ESRRB: variants seen among roughly 807,000 people sequenced by gnomAD.
ESRRB encodes the protein estrogen related receptor beta.
ESRRB carries 16 observed loss-of-function variants against 46.0 expected under a neutral mutation model. The ratio of observed to expected loss-of-function variants is 0.35; its 90% CI spans 0.24 to 0.53. The LOEUF is 0.53. Ranked by LOEUF, ESRRB falls within the 20% of genes least tolerant of loss-of-function variation. ESRRB has a pLI of 0.93. For missense variants in ESRRB, 488 were observed against 607.4 expected, an observed-to-expected ratio of 0.80 and a Z score of 2.07; for synonymous variants, 246 against 259.6, an observed-to-expected ratio of 0.95 and a Z score of 0.50.
chr14:76,354,087 G>A (rs1226592810), intron 1 of ESRRB, among the ~76,000 whole-genome samples: 3 of 152,146 alleles, frequency 2.0e-5, no homozygotes, highest in Non-Finnish European at 2.9e-5. Flanking sequence ...GCTGAGCTTT[G>A]TGTGGCTGGT....
At chr14:76,328,968 T>C (rs958892114) in intron 1 of ESRRB, among the ~76,000 whole-genome samples, 3 of 152,154 alleles carry the variant, frequency 2.0e-5, no homozygotes, top group African/African-American at 7.2e-5. Context: ...AATACGGTTT[T>C]GTGGAGTCCA....
chr14:76,322,596 T>A (rs899729297), intron 1 of ESRRB, among the ~76,000 whole-genome samples: 2 of 152,196 alleles, frequency 1.3e-5, no homozygotes, highest in African/African-American at 4.8e-5. Context: ...TCATCTTTCT[T>A]GAGACCTGAA....
intron 1 of ESRRB, among the ~76,000 whole-genome samples, chr14:76,311,138 G>A (rs1883728350): frequency 6.6e-6 from 1 of 152,112 alleles, no homozygotes; most frequent in African/African-American, 2.4e-5. Flanking sequence ...AGGAAGGTCA[G>A]AGGGTCTCTG....
chr14:76,364,060 T>C (rs1595055285), intron 1 of ESRRB, among the ~76,000 whole-genome samples: 1 of 152,176 alleles, frequency 6.6e-6, no homozygotes, highest in Non-Finnish European at 1.5e-5. Flanking sequence ...GTGCAGCAAC[T>C]GCCAGCTTCC....
chr14:76,489,644 A>G (rs1367323249), intron 5 of ESRRB, among the ~76,000 whole-genome samples: 1 of 152,196 alleles, frequency 6.6e-6, no homozygotes, highest in Non-Finnish European at 1.5e-5. Flanking sequence ...GGGAACTGTG[A>G]TAATTCACTT....
At chr14:76,387,486 AAGC>A (rs1885287417) in intron 1 of ESRRB, among the ~76,000 whole-genome samples, 1 of 152,142 alleles carries the variant, frequency 6.6e-6, no homozygotes. Context: ...TGGCTTTAGA[AAGC>A]AGCTCTGGTT....
intron 3 of ESRRB, among the ~76,000 whole-genome samples, chr14:76,475,488 A>G (rs1889545608): frequency 6.6e-6 from 1 of 152,180 alleles, no homozygotes; most frequent in Non-Finnish European, 1.5e-5. Context: ...TATAGCATAT[A>G]TCAGAACTTT....
intron 1 of ESRRB, among the ~76,000 whole-genome samples, chr14:76,346,353 G>A (rs945292471): frequency 1.3e-5 from 2 of 152,248 alleles, no homozygotes; most frequent in South Asian, 2.1e-4. Flanking sequence ...CGGCTGAGAC[G>A]CCTACAGCCC....
chr14:76,325,990 GA>G (rs375247699), intron 1 of ESRRB, among the ~76,000 whole-genome samples: 1 of 152,256 alleles, frequency 6.6e-6, no homozygotes, highest in African/African-American at 2.4e-5. Context: ...CTATGTTTGA[GA>G]CACCTCCTCC....
At position 76,459,182 on chromosome 14, in the gene ESRRB, G is replaced by C. The variant is rs113061770; in HGVS notation, c.461-3363G>C. Among the ~76,000 whole-genome samples, 569 of 152,216 alleles carry C rather than the reference G, an allele frequency of 3.7e-3. 3 individuals are homozygous for C. Among genetic ancestry groups the C allele is most frequent in the African/African-American group, 0.013 (527 of 41,526 alleles). ...AGATGAGAAAAATCTGTTTACCTCC[G>C]GGGTTGCTGGGAACATGAAATCCTT... is the stretch of plus-strand genomic sequence containing the variant. On this transcript the variant is annotated intron_variant, in intron 2 of 6. Transcript: ENST00000644823.
At chr14:76,387,775 T>A (rs1885299213) in intron 1 of ESRRB, among the ~76,000 whole-genome samples, 1 of 152,180 alleles carries the variant, frequency 6.6e-6, no homozygotes, top group South Asian at 2.1e-4. Flanking sequence ...AGCCACCTAA[T>A]TCTCTGGGGA....
intron 3 of ESRRB, among the ~76,000 whole-genome samples, chr14:76,473,439 A>G (rs997079671): frequency 1.3e-5 from 2 of 152,256 alleles, no homozygotes; most frequent in African/African-American, 4.8e-5. Flanking sequence ...GGGAGGGCAG[A>G]GGCCTTTCCC....
At chr14:76,362,527 C>T (rs1021175197) in intron 1 of ESRRB, among the ~76,000 whole-genome samples, 2 of 152,180 alleles carry the variant, frequency 1.3e-5, no homozygotes, top group Non-Finnish European at 2.9e-5. Context: ...CAAAGGACAC[C>T]GAACAGGAAA....
chr14:76,310,818 G>A (rs577284563), exon 1 of ESRRB: 67 of 453,510 alleles, frequency 1.5e-4, no homozygotes, highest in Non-Finnish European at 2.5e-4. Context: ...AGCTGGTACC[G>A]GAGGAGCGGA....
Position 76,477,286 on chromosome 14 carries a change from C to T in ESRRB, c.578-4730C>T, listed in dbSNP as rs531481395. 3.8e-4 allele frequency among the ~76,000 whole-genome samples: 58 copies of T among 152,194 alleles called. 1 individual carries two copies. In the South Asian group the frequency reaches 9.8e-3, roughly 26 times the overall value. ...AGGGTCCTGTCCTCTAAGAACCCAT[C>T]GAATCGAAGAGCTGATGGGTATAAA... On this transcript the variant is annotated intron_variant, in intron 3 of 6. Coordinates refer to ENST00000644823, the MANE Select transcript of ESRRB (RefSeq NM_001379180.1).
intron 1 of ESRRB, among the ~76,000 whole-genome samples, chr14:76,351,746 C>T (rs1381350409): frequency 6.6e-6 from 1 of 151,998 alleles, no homozygotes; most frequent in Non-Finnish European, 1.5e-5. Flanking sequence ...AGCATATGAC[C>T]TCTTCTCACC....
chr14:76,388,771 A>C (rs1595070699), intron 1 of ESRRB, among the ~76,000 whole-genome samples: 1 of 151,802 alleles, frequency 6.6e-6, no homozygotes, highest in East Asian at 1.9e-4. Flanking sequence ...CAGTGGTTTG[A>C]CCCCCTCCAT....
intron 1 of ESRRB, among the ~76,000 whole-genome samples, chr14:76,343,692 C>T (rs1884217478): frequency 6.6e-6 from 1 of 152,226 alleles, no homozygotes; most frequent in African/African-American, 2.4e-5. Context: ...GATTAGGTTC[C>T]AAGAGCAAAT....
At chr14:76,441,531 C>T (rs373452101) in intron 2 of ESRRB, among the ~76,000 whole-genome samples, 18 of 152,104 alleles carry the variant, frequency 1.2e-4, no homozygotes, top group African/African-American at 3.9e-4. Context: ...AGGCTGGTCT[C>T]GAACACCTGG....
Sources: allele counts gnomAD v4.1 joint callset (sites outside exome capture counted in the v4.1 genomes callset), GRCh38; gene constraint gnomAD v4.1.1; transcripts MANE v1.5; gene names NCBI Gene and HGNC (gene_info 2026-07-23, HGNC 2026-07-21).